Variants in MROH7 observed in about 807,000 individuals in gnomAD.
MROH7 encodes maestro heat like repeat family member 7, also known as maestro heat-like repeat-containing protein family member 7.
MROH7 carries 113 observed loss-of-function variants against 129.2 expected under a neutral mutation model. That is an observed-to-expected ratio of 0.87 (90% CI 0.75 to 1.02). The LOEUF is 1.02. Among genes scored for constraint, MROH7 ranks in the 50% least tolerant of loss-of-function variants. The probability of loss-of-function intolerance (pLI) is 0.00; values close to 1 mark genes in which losing one functional copy is unlikely to be tolerated. For synonymous variants in MROH7, 655 were observed against 667.9 expected, an observed-to-expected ratio of 0.98 and a Z score of 0.30; for missense variants, 1,601 against 1,671.3, an observed-to-expected ratio of 0.96 and a Z score of 0.73.
Position 54,673,174 on chromosome 1 carries a change from G to A in MROH7, c.1683G>A (p.Lys561=), listed in dbSNP as rs1043496965. ...FIEDPTPAGL[K]SILEALGPWM... ...AGGACCCCACTCCTGCTGGGCTGAA[G>A]AGCATCTTGGAGGTGCGGAGATGGG... is the stretch of plus-strand genomic sequence containing the variant. Residue 561 remains lysine, a synonymous_variant, in exon 8 of 24, where the codon AAG becomes AAA. Transcript: ENST00000421030. 2.5e-6 allele frequency: 4 copies of A among 1,613,236 alleles called. No homozygotes were observed. In the Admixed American group the frequency reaches 6.7e-5, roughly 27 times the overall value.
At position 54,653,495 on chromosome 1, in the gene MROH7, G is replaced by A; in HGVS notation, c.569G>A (p.Gly190Asp). Residue 190 changes from glycine to aspartate, a missense_variant, in exon 3 of 24, where the codon GGC becomes GAC. Physicochemically the swap from Gly to Asp is moderately conservative, Grantham distance 94 (BLOSUM62 -1). Coordinates refer to ENST00000421030, the MANE Select transcript of MROH7 (RefSeq NM_001039464.4). ...RHHSREGLVL[G>D]HCISRPSSKA... ...CATTCCAGAGAAGGTCTGGTTCTGG[G>A]CCACTGCATCTCTAGGCCAAGCTCA... is the stretch of plus-strand genomic sequence containing the variant. 1 of 1,614,126 alleles carries A rather than the reference G, an allele frequency of 6.2e-7. No individual in the cohort carries two copies. Among genetic ancestry groups the A allele is most frequent in the Non-Finnish European group, 8.5e-7 (1 of 1,180,036 alleles).
intron 1 of MROH7, among the ~76,000 whole-genome samples, chr1:54,643,848 T>G (rs959968024): frequency 6.6e-6 from 1 of 152,208 alleles, no homozygotes; most frequent in Non-Finnish European, 1.5e-5. Flanking sequence ...GAATGTGTGG[T>G]TGAGAATTTT....
rs150324398 is a variant in MROH7 at position 54,662,061 on chromosome 1, A to G, written c.1232-3106A>G. 5.5e-3 allele frequency among the ~76,000 whole-genome samples: 831 copies of G among 152,010 alleles called. 2 individuals are homozygous for G. The highest frequency in any genetic ancestry group is 1.0e-2 in the South Asian group (48 of 4,812). ...TGGTGAGACTCCCATCTCTACAAAC[A>G]ATGTAAAAATTAGCCAAATGTGGTA... is the stretch of plus-strand genomic sequence containing the variant. On this transcript the variant is annotated intron_variant, in intron 3 of 23. Transcript: ENST00000421030.
chr1:54,693,575 C>T (rs369485392), intron 16 of MROH7, among the ~76,000 whole-genome samples: 7 of 152,244 alleles, frequency 4.6e-5, no homozygotes, highest in South Asian at 2.1e-4. Context: ...GTCATGTGCC[C>T]GAAGTCACAC....
chr1:54,701,066 A>C (rs1330012668), intron 18 of MROH7, 77 bp from the exon 19 acceptor site: 1 of 1,497,864 alleles, frequency 6.7e-7, no homozygotes, highest in Non-Finnish European at 9.2e-7. Context: ...AGTTCATTTC[A>C]GTGAATCAGA....
chr1:54,683,833 A>G lies in MROH7; in HGVS notation c.2520+1039A>G, dbSNP rs528138714. Among the ~76,000 whole-genome samples the G allele has an allele frequency of 2.0e-5, 3 of 152,328 alleles. No homozygotes were observed. The South Asian group carries it at 6.2e-4, about 32-fold the overall frequency. On this transcript the variant is annotated intron_variant, in intron 14 of 23. Transcript: ENST00000421030. ...TCATCCTTCAGCTGTCAACTCCAGCATCACTTCCTTAGGGAAGCCCTCCCT... is the reference window on the plus strand; with the variant it reads ...TCATCCTTCAGCTGTCAACTCCAGCGTCACTTCCTTAGGGAAGCCCTCCCT...
chr1:54,682,095 A>C (rs1645078434), intron 13 of MROH7, among the ~76,000 whole-genome samples: 1 of 152,046 alleles, frequency 6.6e-6, no homozygotes, highest in African/African-American at 2.4e-5. Context: ...CCGAAGTAAT[A>C]CATTGCATGT....
At chr1:54,701,370 C>A in intron 19 of MROH7, 48 bp downstream of exon 19, 3 of 1,460,422 alleles carry the variant, frequency 2.1e-6, no homozygotes, top group South Asian at 1.4e-5. Flanking sequence ...AGAAGGGGGT[C>A]TTTTACTACC....
chr1:54,679,462 A>G (rs781314315), intron 12 of MROH7, 23 bp downstream of exon 12: 22 of 1,605,932 alleles, frequency 1.4e-5, no homozygotes, highest in Non-Finnish European at 1.9e-5. Flanking sequence ...GGGGGCAGGG[A>G]GTGAACTGTC....
rs552395297 is a variant in MROH7, at chr1:54,702,278, CT to C, written c.3441+34del. On this transcript the variant is annotated intron_variant, in intron 20 of 23. Coordinates refer to ENST00000421030, the MANE Select transcript of MROH7 (RefSeq NM_001039464.4). ...TGCGTGGGCCCTGCACCCTCTACCCCTCCCTCGGGTCCTGTGGGCGCACCTC... is the reference window on the plus strand; with the variant it reads ...TGCGTGGGCCCTGCACCCTCTACCCCCCCTCGGGTCCTGTGGGCGCACCTC... 266 of 1,392,760 alleles carry C rather than the reference CT, an allele frequency of 1.9e-4. 1 individual carries two copies. The South Asian group carries it at 4.0e-3, about 21-fold the overall frequency. The allele number at this position is 1,392,760 out of a possible 1,614,324, so 86.3% of individuals were successfully genotyped here. A position where few individuals can be genotyped will look rare whatever the true frequency, so the allele number is the denominator to read the frequency against.
intron 15 of MROH7, among the ~76,000 whole-genome samples, chr1:54,689,074 T>C (rs1284828077): frequency 6.6e-6 from 1 of 152,176 alleles, no homozygotes; most frequent in Non-Finnish European, 1.5e-5. Context: ...CCGAAAGACA[T>C]GTCTGCCCAG....
At chr1:54,702,997 G>A (rs1032325162) in intron 21 of MROH7, among the ~76,000 whole-genome samples, 8 of 152,100 alleles carry the variant, frequency 5.3e-5, no homozygotes, top group African/African-American at 1.4e-4. Flanking sequence ...TTTTGAGCCT[G>A]TGCCTTTTCC....
chr1:54,678,570 G>T (rs1287244768), intron 10 of MROH7, among the ~76,000 whole-genome samples, 172 bp from the exon 11 acceptor site: 1 of 152,162 alleles, frequency 6.6e-6, no homozygotes, highest in Non-Finnish European at 1.5e-5. Context: ...CACAAGAGGG[G>T]CTTCTGGGGT....
Position 54,686,454 on chromosome 1 carries a change from C to A in MROH7, c.2711+6C>A, listed in dbSNP as rs1427395980. 6.2e-7 allele frequency: 1 copy of A among 1,612,844 alleles called. No individual in the cohort carries two copies. Among genetic ancestry groups the A allele is most frequent in the Non-Finnish European group, 8.5e-7 (1 of 1,179,440 alleles). ...TCTCCCTTCGTACCTGTGCGGTATG[C>A]TCTGCCCTCTCTCTTGACCCTGCTG... On this transcript the variant is annotated splice_donor_region_variant and intron_variant, in intron 15 of 23. Coordinates refer to ENST00000421030, the MANE Select transcript of MROH7 (RefSeq NM_001039464.4).
At chr1:54,670,728 C>G in intron 6 of MROH7, 72 bp from the exon 7 acceptor site, 1 of 1,575,462 alleles carries the variant, frequency 6.3e-7, no homozygotes, top group Non-Finnish European at 8.6e-7. Flanking sequence ...CTGTGCTCCT[C>G]AGCTCAGCCC....
rs763238487 is a variant in MROH7 at position 54,686,287 on chromosome 1, C to T, written c.2550C>T (p.Ser850=). The part of the protein sequence containing the change: ...AAASGLCELL[S]VNSCMGRVRR... Reference sequence around the variant, plus strand: ...CCAGCGGCCTGTGCGAGCTCCTGTCCGTCAACAGCTGCATGGGCCGTGTGA... The same window carrying T: ...CCAGCGGCCTGTGCGAGCTCCTGTCTGTCAACAGCTGCATGGGCCGTGTGA... Residue 850 remains serine, a synonymous_variant, in exon 15 of 24, where the codon TCC becomes TCT. Transcript: ENST00000421030. 7.4e-6 allele frequency: 12 copies of T among 1,613,916 alleles called. No homozygotes were observed. The highest frequency in any genetic ancestry group is 6.7e-5 in the East Asian group (3 of 44,876).
rs770454451 is a variant in MROH7 at position 54,668,975 on chromosome 1, G to T, written c.1389+38G>T. 9 of 1,468,540 alleles carry T rather than the reference G, an allele frequency of 6.1e-6. No individual in the cohort carries two copies. In the South Asian group the frequency reaches 1.0e-4, roughly 17 times the overall value. 91.0% of individuals were successfully genotyped at this position (1,468,540 alleles called of 1,614,324 possible). A position where few individuals can be genotyped will look rare whatever the true frequency, so the allele number is the denominator to read the frequency against. On this transcript the variant is annotated intron_variant, in intron 5 of 23. Transcript: ENST00000421030. ...CAGGCGGGTCTGTGGCATTGGGGTG[G>T]GAGGGGGCAGAATTCCTGAGTCCAC...
Position 54,678,870 on chromosome 1 carries a change from C to T in MROH7, c.2049+16C>T. On this transcript the variant is annotated intron_variant, in intron 11 of 23. Transcript: ENST00000421030. ...GGTGATCGAGGTGACTGCCTGGTGC[C>T]CATCCAGGAGCGGAGGGTGGGGGGT... 3 of 1,593,736 alleles carry T rather than the reference C, an allele frequency of 1.9e-6. No individual in the cohort carries two copies. The highest frequency in any genetic ancestry group is 2.6e-6 in the Non-Finnish European group (3 of 1,161,642).
chr1:54,709,139 T>C lies in MROH7; in HGVS notation c.3730+63T>C. The C allele has an allele frequency of 2.0e-6, 3 of 1,493,002 alleles. No individual in the cohort carries two copies. In the South Asian group the frequency reaches 3.4e-5, roughly 17 times the overall value. The allele number at this position is 1,493,002 out of a possible 1,614,324, so 92.5% of individuals were successfully genotyped here. A position where few individuals can be genotyped will look rare whatever the true frequency, so the allele number is the denominator to read the frequency against. On this transcript the variant is annotated intron_variant, in intron 23 of 23. Coordinates refer to ENST00000421030, the MANE Select transcript of MROH7 (RefSeq NM_001039464.4). Reference sequence around the variant, plus strand: ...AGTGAGACAGTGAGTAGAATCACAGTGGGTAACAGGGAAAGGGAAGGGATG... The same window carrying C: ...AGTGAGACAGTGAGTAGAATCACAGCGGGTAACAGGGAAAGGGAAGGGATG...
Sources: gnomAD v4.1 joint callset for allele counts (sites outside exome capture counted in the v4.1 genomes callset) on GRCh38, gnomAD v4.1.1 for gene constraint, MANE v1.5 for transcripts, NCBI Gene and HGNC (gene_info 2026-07-23, HGNC 2026-07-21) for gene names.